Variants in NF1 observed in about 807,000 individuals in gnomAD.
NF1 encodes the protein neurofibromin 1.
Under a neutral mutation model 325.7 loss-of-function variants are expected in NF1, and 122 were observed. The observed-to-expected ratio is 0.37, with a 90% confidence interval of 0.32 to 0.44. The LOEUF (loss-of-function observed/expected upper bound fraction) is 0.44. Among genes scored for constraint, NF1 ranks in the 20% least tolerant of loss-of-function variants. The probability of loss-of-function intolerance (pLI) is 1.00; values close to 1 mark genes in which losing one functional copy is unlikely to be tolerated. For missense variants in NF1, 2,140 were observed against 3,415.4 expected (o/e 0.63, Z 9.31); for synonymous variants, 1,091 against 1,186.0 (o/e 0.92, Z 1.65).
intron 1 of NF1, among the ~76,000 whole-genome samples, chr17:31,115,757 C>A (rs1324190108): frequency 6.6e-6 from 1 of 152,134 alleles, no homozygotes; most frequent in Non-Finnish European, 1.5e-5. Context: ...TGATGATGAA[C>A]AAGGTGTCGC....
chr17:31,116,677 A>T (rs932366491), intron 1 of NF1, among the ~76,000 whole-genome samples: 4 of 151,612 alleles, frequency 2.6e-5, no homozygotes, highest in South Asian at 2.1e-4. Context: ...TTATTTATTT[A>T]TTTTTTTCGA....
chr17:31,324,770 C>T (rs1293717240), intron 36 of NF1, among the ~76,000 whole-genome samples: 1 of 152,134 alleles, frequency 6.6e-6, no homozygotes, highest in Non-Finnish European at 1.5e-5. Context: ...CCATGTTGGC[C>T]AGGCTGGTCT....
At chr17:31,101,805 A>G (rs1912364735) in intron 1 of NF1, among the ~76,000 whole-genome samples, 1 of 152,080 alleles carries the variant, frequency 6.6e-6, no homozygotes, top group South Asian at 2.1e-4. Flanking sequence ...ACAGAACCAC[A>G]CAGTAAGTTT....
chr17:31,294,955 C>T (rs954239836), intron 36 of NF1: 104 of 1,612,386 alleles, frequency 6.5e-5, no homozygotes, highest in South Asian at 2.2e-4. Flanking sequence ...GACATATTTT[C>T]CCAACTGTAC....
At chr17:31,113,837 AAACACTCT>A in intron 1 of NF1, among the ~76,000 whole-genome samples, 1 of 152,220 alleles carries the variant, frequency 6.6e-6, no homozygotes, top group Non-Finnish European at 1.5e-5. Context: ...ACAAGAAGAA[AAACACTCT>A]AAGCTCTTGC....
At chr17:31,099,580 A>G (rs1238390490) in intron 1 of NF1, among the ~76,000 whole-genome samples, 1 of 138,860 alleles carries the variant, frequency 7.2e-6, no homozygotes, top group Admixed American at 7.5e-5. Context: ...TTTTTTTGAG[A>G]CAGAGTTTCG....
At chr17:31,243,214 T>G (rs73988004) in intron 29 of NF1, among the ~76,000 whole-genome samples, 28 of 70,530 alleles carry the variant, frequency 4.0e-4, no homozygotes, top group Middle Eastern at 9.6e-3. Context: ...GTGTGTGTGT[T>G]GAGCTGCCTG....
At chr17:31,372,669 A>G (rs2070666259) in intron 57 of NF1, among the ~76,000 whole-genome samples, 1 of 152,132 alleles carries the variant, frequency 6.6e-6, no homozygotes, top group Admixed American at 6.6e-5. Context: ...AAAAATAAAA[A>G]TCTTATTTTA....
chr17:31,230,459 G>A (rs2151431945), intron 23 of NF1, 77 bp downstream of exon 23: 1 of 1,541,330 alleles, frequency 6.5e-7, no homozygotes, highest in African/African-American at 1.4e-5. Flanking sequence ...GAGTAGATAT[G>A]CGGTTATTGG....
intron 1 of NF1, among the ~76,000 whole-genome samples, chr17:31,117,589 C>T (rs374698037): frequency 2.1e-5 from 3 of 140,016 alleles, no homozygotes; most frequent in African/African-American, 5.4e-5. Flanking sequence ...AGGAGAATGA[C>T]GTGAACACGG....
At chr17:31,267,585 A>G (rs1354561775) in intron 36 of NF1, among the ~76,000 whole-genome samples, 2 of 152,152 alleles carry the variant, frequency 1.3e-5, no homozygotes, top group Admixed American at 6.5e-5. Context: ...GTCTGTCTGT[A>G]TGCCGTCAGT....
chr17:31,340,390 GA>G, intron 46 of NF1, 114 bp from the exon 47 acceptor site: 1 of 1,351,534 alleles, frequency 7.4e-7, no homozygotes, highest in South Asian at 1.2e-5. Flanking sequence ...TTCCCCAAAA[GA>G]GAAAACATGG....
intron 57 of NF1, among the ~76,000 whole-genome samples, chr17:31,365,512 C>G (rs1259578574): frequency 6.6e-6 from 1 of 152,080 alleles, no homozygotes; most frequent in Non-Finnish European, 1.5e-5. Flanking sequence ...AAGTTATTTC[C>G]TTCCGATCCA....
intron 13 of NF1, among the ~76,000 whole-genome samples, chr17:31,216,996 C>G (rs889433034): frequency 6.6e-6 from 1 of 152,128 alleles, no homozygotes; most frequent in Non-Finnish European, 1.5e-5. Context: ...GCAGCATGTA[C>G]CTTAATAATA....
At position 31,095,205 on chromosome 17, in the gene NF1, C is replaced by T. The variant is rs1262150377; in HGVS notation, c.-105C>T. On this transcript the variant is annotated 5_prime_UTR_variant, in exon 1 of 58. Transcript: ENST00000358273. ...ACTGGGAGCCTGCACTCCACAGACC[C>T]TCTCCTTGCCTCTTCCCTCACCTCA... 1.3e-5 allele frequency: 14 copies of T among 1,065,766 alleles called. No individual in the cohort carries two copies. The highest frequency in any genetic ancestry group is 1.9e-5 in the Non-Finnish European group (14 of 719,438). 66.0% of individuals were successfully genotyped at this position (1,065,766 alleles called of 1,614,324 possible).
Position 31,366,474 on chromosome 17 carries a change from T to C in NF1, c.8377+5771T>C, listed in dbSNP as rs201958901. On this transcript the variant is annotated intron_variant, in intron 57 of 57. Coordinates refer to ENST00000358273, the MANE Select transcript of NF1 (RefSeq NM_001042492.3). ...AGCTGGCTAGATCAGGTAGTGATCATAACATTCCTAAACCAATAGTGCTGA... is the reference window on the plus strand; with the variant it reads ...AGCTGGCTAGATCAGGTAGTGATCACAACATTCCTAAACCAATAGTGCTGA... Among the ~76,000 whole-genome samples, 13 of 152,336 alleles carry C rather than the reference T, an allele frequency of 8.5e-5. No homozygotes were observed. In the East Asian group the frequency reaches 2.3e-3, roughly 27 times the overall value.
chr17:31,356,231 T>A (rs1004738255), intron 51 of NF1: 11 of 455,338 alleles, frequency 2.4e-5, no homozygotes, highest in African/African-American at 2.2e-4. Flanking sequence ...CTCAGTTTAA[T>A]TTGCACCAGT....
chr17:31,163,414 A>G (rs2143675000), intron 4 of NF1, 38 bp downstream of exon 4: 2 of 1,590,234 alleles, frequency 1.3e-6, no homozygotes, highest in Non-Finnish European at 1.7e-6. Context: ...CTGAAGTAAT[A>G]TGAATATTAG....
chr17:31,260,090 C>A (rs1210229547), intron 33 of NF1, among the ~76,000 whole-genome samples: 1 of 152,140 alleles, frequency 6.6e-6, no homozygotes, highest in Non-Finnish European at 1.5e-5. Context: ...ATTTCCTTAT[C>A]TGTAAAATAC....
Sources: allele counts gnomAD v4.1 joint callset (sites outside exome capture counted in the v4.1 genomes callset), GRCh38; gene constraint gnomAD v4.1.1; transcripts MANE v1.5; gene names NCBI Gene and HGNC (gene_info 2026-07-23, HGNC 2026-07-21).